The following SORCS1 variants were observed in gnomAD, a reference collection of about 807,000 sequenced individuals.
The protein encoded by SORCS1 is VPS10 domain-containing receptor SorCS1.
A neutral mutation model predicts 146.1 loss-of-function variants in SORCS1; 60 were observed. That is an observed-to-expected ratio of 0.41 (90% CI 0.33 to 0.51). SORCS1 has a LOEUF of 0.51. SORCS1 is among the 20% of genes least tolerant of loss of function. The pLI, the probability that SORCS1 is intolerant of heterozygous loss-of-function variation, is 0.21. For synonymous variants in SORCS1, 637 were observed against 584.0 expected, an observed-to-expected ratio of 1.09 and a Z score of -1.31; for missense variants, 1,352 against 1,487.6, an observed-to-expected ratio of 0.91 and a Z score of 1.50.
At chr10:106,687,418 A>G (rs1246278752) in intron 10 of SORCS1, among the ~76,000 whole-genome samples, 2 of 152,196 alleles carry the variant, frequency 1.3e-5, no homozygotes, top group Non-Finnish European at 2.9e-5. Context: ...AACCTTTGTA[A>G]AGGGCCAGAT....
At chr10:107,026,931 C>G (rs901652384) in intron 1 of SORCS1, among the ~76,000 whole-genome samples, 1 of 151,276 alleles carries the variant, frequency 6.6e-6, no homozygotes, top group Non-Finnish European at 1.5e-5. Context: ...CTTAAAGGGA[C>G]TCTCTAATGC....
intron 2 of SORCS1, among the ~76,000 whole-genome samples, chr10:106,927,421 G>A (rs1403353508): frequency 6.6e-6 from 1 of 152,148 alleles, no homozygotes; most frequent in Non-Finnish European, 1.5e-5. Flanking sequence ...TGCAGACCTT[G>A]GCGGTGAGTG....
At chr10:106,630,582 A>G (rs1317495182) in intron 18 of SORCS1, among the ~76,000 whole-genome samples, 1 of 152,218 alleles carries the variant, frequency 6.6e-6, no homozygotes, top group Non-Finnish European at 1.5e-5. Context: ...CATGCAAGTC[A>G]TTCAGTCTCC....
chr10:106,707,732 TAG>T (rs1854635370), intron 7 of SORCS1, among the ~76,000 whole-genome samples: 1 of 151,918 alleles, frequency 6.6e-6, no homozygotes, highest in South Asian at 2.1e-4. Context: ...AGAGGGCAGG[TAG>T]AGAGGGCAGG....
chr10:106,769,792 G>GCTGTT (rs139908797), intron 4 of SORCS1, among the ~76,000 whole-genome samples: 1 of 152,282 alleles, frequency 6.6e-6, no homozygotes, highest in African/African-American at 2.4e-5. Context: ...GAGAATGCCA[G>GCTGTT]CTGTTAATAT....
intron 1 of SORCS1, among the ~76,000 whole-genome samples, chr10:106,986,479 A>G (rs1485098144): frequency 6.6e-6 from 1 of 151,672 alleles, no homozygotes; most frequent in African/African-American, 2.4e-5. Context: ...GTTACCTAAT[A>G]TGAAGTTGAT....
At chr10:106,997,875 G>A (rs560138296) in intron 1 of SORCS1, among the ~76,000 whole-genome samples, 11 of 152,204 alleles carry the variant, frequency 7.2e-5, no homozygotes, top group African/African-American at 2.4e-4. Flanking sequence ...CCCAGTAACC[G>A]CCCTCTCAAA....
chr10:106,721,784 G>A (rs188857959), intron 6 of SORCS1, among the ~76,000 whole-genome samples: 54 of 152,206 alleles, frequency 3.5e-4, no homozygotes, highest in African/African-American at 1.2e-3. Context: ...GCTTGAATGC[G>A]GACTAACCAA....
chr10:107,079,621 C>T (rs1963171242), intron 1 of SORCS1, among the ~76,000 whole-genome samples: 2 of 152,228 alleles, frequency 1.3e-5, no homozygotes, highest in East Asian at 1.9e-4. Context: ...GCTAATTAAC[C>T]CTCAGAAGAA....
intron 3 of SORCS1, among the ~76,000 whole-genome samples, chr10:106,788,221 C>A (rs997567946): frequency 6.6e-6 from 1 of 152,134 alleles, no homozygotes; most frequent in Non-Finnish European, 1.5e-5. Flanking sequence ...TCCTTCAACA[C>A]CCAGGAATTA....
intron 1 of SORCS1, among the ~76,000 whole-genome samples, chr10:107,085,766 A>G (rs536899268): frequency 7.7e-4 from 118 of 152,320 alleles, no homozygotes; most frequent in African/African-American, 2.7e-3. Context: ...GTAGAATTAT[A>G]TGAAGAATCC....
At chr10:106,597,735 C>T (rs1240308138) in intron 23 of SORCS1, among the ~76,000 whole-genome samples, 1 of 152,100 alleles carries the variant, frequency 6.6e-6, no homozygotes, top group Non-Finnish European at 1.5e-5. Flanking sequence ...AGAAAACTTA[C>T]CCCCAGTCTT....
chr10:107,090,585 T>C (rs1002944948), intron 1 of SORCS1, among the ~76,000 whole-genome samples: 5 of 152,194 alleles, frequency 3.3e-5, no homozygotes, highest in Admixed American at 6.5e-5. Context: ...AATTACTATG[T>C]AAAATTTAAA....
intron 1 of SORCS1, among the ~76,000 whole-genome samples, chr10:106,991,729 G>A (rs2015391): frequency 6.6e-6 from 1 of 151,970 alleles, no homozygotes; most frequent in Non-Finnish European, 1.5e-5. Flanking sequence ...TCACTAGAAG[G>A]GGGAAAGGGA....
chr10:106,706,675 G>T, intron 7 of SORCS1, 41 bp from the exon 8 acceptor site: 1 of 1,582,674 alleles, frequency 6.3e-7, no homozygotes, highest in Non-Finnish European at 8.7e-7. Context: ...TCGAGCTACT[G>T]TAACAGGCAC....
At chr10:107,134,303 C>G (rs1403932213) in intron 1 of SORCS1, among the ~76,000 whole-genome samples, 1 of 152,186 alleles carries the variant, frequency 6.6e-6, no homozygotes, top group Non-Finnish European at 1.5e-5. Flanking sequence ...ACTGACCAGC[C>G]TCCCTTCTTT....
At chr10:106,703,256 C>T (rs1340429089) in intron 8 of SORCS1, among the ~76,000 whole-genome samples, 1 of 151,920 alleles carries the variant, frequency 6.6e-6, no homozygotes, top group Non-Finnish European at 1.5e-5. Flanking sequence ...AGATCTGGGT[C>T]CCTAATCCAG....
intron 6 of SORCS1, among the ~76,000 whole-genome samples, chr10:106,720,308 T>C (rs547149002): frequency 1.1e-4 from 16 of 152,238 alleles, no homozygotes; most frequent in African/African-American, 3.6e-4. Context: ...GAAACAGACC[T>C]GGCTTTAAAT....
Position 106,577,319 on chromosome 10 carries a change from G to GA in SORCS1, c.*100dup, listed in dbSNP as rs3839910. 0.054 allele frequency: 86,975 copies of GA among 1,605,888 alleles called. 4,514 individuals carry two copies. Among genetic ancestry groups the GA allele is most frequent in the East Asian group, 0.25 (10,933 of 44,576 alleles). On this transcript the variant is annotated 3_prime_UTR_variant, in exon 26 of 26. Transcript: ENST00000263054. ...ATAGGAAACAGAACAACAAAGGAAA[G>GA]AAAAAAAACACAAAGTTAGTGGTCA... is the stretch of plus-strand genomic sequence containing the variant.
Sources: gnomAD v4.1 joint callset for allele counts (sites outside exome capture counted in the v4.1 genomes callset) on GRCh38, gnomAD v4.1.1 for gene constraint, MANE v1.5 for transcripts, NCBI Gene and HGNC (gene_info 2026-07-23, HGNC 2026-07-21) for gene names.